The following OR2F1 variants were observed in gnomAD, a reference collection of about 807,000 sequenced individuals.
OR2F1 encodes the protein olfactory receptor family 2 subfamily F member 1.
For missense variants in OR2F1, 389 were observed against 378.2 expected (o/e 1.03, Z -0.24); for synonymous variants, 146 against 155.3 (o/e 0.94, Z 0.44).
chr7:143,961,416 T>C lies in OR2F1; in HGVS notation c.*492T>C, dbSNP rs2050329722. ...GTGTGAGTCAACATTCTGAGAAAAG[T>C]GTTATTGTCAAGGCTGACTAAAATG... On this transcript the variant is annotated 3_prime_UTR_variant, in exon 3 of 3. Coordinates refer to ENST00000641412, the MANE Select transcript of OR2F1 (RefSeq NM_012369.3). 6.4e-6 allele frequency: 1 copy of C among 157,418 alleles called. No individual in the cohort carries two copies. The highest frequency in any genetic ancestry group is 6.0e-5 in the Admixed American group (1 of 16,694). 9.8% of individuals were successfully genotyped at this position (157,418 alleles called of 1,614,324 possible). A position where few individuals can be genotyped will look rare whatever the true frequency, so the allele number is the denominator to read the frequency against.
intron 1 of OR2F1, among the ~76,000 whole-genome samples, chr7:143,958,435 C>A (rs142889696): frequency 3.4e-4 from 51 of 152,142 alleles, no homozygotes; most frequent in Non-Finnish European, 5.9e-4. Context: ...TTGAGGAGGA[C>A]ATTAGGGAGA....
chr7:143,960,066 G>T lies in OR2F1; in HGVS notation c.96G>T (p.Leu32Phe). 6.2e-7 allele frequency: 1 copy of T among 1,614,072 alleles called. No individual in the cohort carries two copies. Among genetic ancestry groups the T allele is most frequent in the Admixed American group, 1.7e-5 (1 of 60,008 alleles). The change falls in exon 3 of 3, where the codon TTG (leucine) becomes TTT (phenylalanine). Residue 32 changes from leucine to phenylalanine, a missense_variant. Leu to Phe is a conservative substitution (Grantham distance 22). Coordinates refer to ENST00000641412, the MANE Select transcript of OR2F1 (RefSeq NM_012369.3). ...DTRVSLFVLF[L>F]VMYVVTVLGN... ...GGGTCTCCCTGTTTGTCCTGTTCTT[G>T]GTCATGTATGTGGTGACCGTGCTGG...
In OR2F1 at chr7:143,955,026, C is replaced by T. The variant is rs2116932646; in HGVS notation, c.-257C>T. Reference sequence around the variant, plus strand: ...TCGTTGATAGAAGAATATTTCAGTCCTGATATTTGCTGTAACTAATAATTA... The same window carrying T: ...TCGTTGATAGAAGAATATTTCAGTCTTGATATTTGCTGTAACTAATAATTA... On this transcript the variant is annotated 5_prime_UTR_variant, in exon 1 of 3. Coordinates refer to ENST00000641412, the MANE Select transcript of OR2F1 (RefSeq NM_012369.3). 1 of 152,056 alleles carries T rather than the reference C, an allele frequency of 6.6e-6. No individual in the cohort carries two copies. The highest frequency in any genetic ancestry group is 2.1e-4 in the South Asian group (1 of 4,822). 9.4% of individuals were successfully genotyped at this position (152,056 alleles called of 1,614,324 possible). A position where few individuals can be genotyped will look rare whatever the true frequency, so the allele number is the denominator to read the frequency against.
Position 143,960,432 on chromosome 7 carries a change from C to G in OR2F1, c.462C>G (p.Ile154Met). Residue 154 changes from isoleucine (I) to methionine (M), a missense_variant, in exon 3 of 3, where the codon ATC (isoleucine) becomes ATG (methionine). Coordinates refer to ENST00000641412, the MANE Select transcript of OR2F1 (RefSeq NM_012369.3). ...LAITSWVSGFISSPVQTAITF... is the reference protein window; with the variant it reads ...LAITSWVSGFMSSPVQTAITF... ...TCACATCCTGGGTCAGTGGCTTCATCAGCTCTCCTGTGCAGACTGCTATCA... is the reference window on the plus strand; with the variant it reads ...TCACATCCTGGGTCAGTGGCTTCATGAGCTCTCCTGTGCAGACTGCTATCA... 3.1e-6 allele frequency: 5 copies of G among 1,614,194 alleles called. No homozygotes were observed. The highest frequency in any genetic ancestry group is 4.2e-6 in the Non-Finnish European group (5 of 1,180,044).
At chr7:143,955,592 T>G (rs935065444) in intron 1 of OR2F1, among the ~76,000 whole-genome samples, 6 of 152,186 alleles carry the variant, frequency 3.9e-5, no homozygotes, top group African/African-American at 1.4e-4. Context: ...CTATTTCTTA[T>G]GGTCACAGTG....
intron 2 of OR2F1, 37 bp from the exon 3 acceptor site, chr7:143,959,911 T>C: frequency 7.6e-7 from 1 of 1,310,612 alleles, no homozygotes; most frequent in Non-Finnish European, 1.1e-6. Flanking sequence ...CTTATAGTTA[T>C]TCAACAGCTT....
intron 2 of OR2F1, 82 bp from the exon 3 acceptor site, chr7:143,959,866 G>T (rs2050310698): frequency 3.4e-6 from 3 of 878,232 alleles, no homozygotes; most frequent in Non-Finnish European, 3.5e-6. Flanking sequence ...CCTAGGGCTG[G>T]CTGGCATGTA....
Position 143,960,617 on chromosome 7 carries a change from T to C in OR2F1, c.647T>C (p.Leu216Ser). Reference protein sequence around the residue: ...LLMTPFCLVLLSYIQIISTIL... With the variant: ...LLMTPFCLVLSSYIQIISTIL... ...ATGACACCCTTCTGCCTGGTTCTTTTGTCCTACATCCAGATCATCTCCACC... is the reference window on the plus strand; with the variant it reads ...ATGACACCCTTCTGCCTGGTTCTTTCGTCCTACATCCAGATCATCTCCACC... Residue 216 changes from leucine to serine, a missense_variant, in exon 3 of 3, where the codon TTG (leucine) becomes TCG (serine). By Grantham distance (145) the Leu-to-Ser change is moderately radical. Transcript: ENST00000641412. The C allele has an allele frequency of 6.2e-7, 1 of 1,614,212 alleles. No homozygotes were observed. The highest frequency in any genetic ancestry group is 8.5e-7 in the Non-Finnish European group (1 of 1,180,036).
chr7:143,959,560 T>A (rs1441237234), intron 2 of OR2F1, among the ~76,000 whole-genome samples: 1 of 152,198 alleles, frequency 6.6e-6, no homozygotes, highest in Non-Finnish European at 1.5e-5. Context: ...TCAAGATGAG[T>A]CTAGTTGACA....
At position 143,960,483 on chromosome 7, in the gene OR2F1, C is replaced by A. The variant is rs145017866; in HGVS notation, c.513C>A (p.Asn171Lys). 6.2e-5 allele frequency: 100 copies of A among 1,614,086 alleles called. No individual in the cohort carries two copies. Among genetic ancestry groups the A allele is most frequent in the Non-Finnish European group, 8.3e-5 (98 of 1,180,056 alleles). ...AITFQLPMCR[N>K]KFIDHISCEL... ...CCTTTCAGCTGCCCATGTGCAGAAA[C>A]AAGTTTATTGATCACATATCCTGTG... is the stretch of plus-strand genomic sequence containing the variant. Residue 171 changes from asparagine to lysine, a missense_variant, in exon 3 of 3, where the codon AAC becomes AAA. By Grantham distance (94) the Asn-to-Lys change is moderately conservative (BLOSUM62 0). Transcript: ENST00000641412.
chr7:143,960,522 G>T lies in OR2F1; in HGVS notation c.552G>T (p.Val184=). The change falls in exon 3 of 3, where the codon GTG becomes GTT. Residue 184 remains valine, a synonymous_variant. Transcript: ENST00000641412. ...IDHISCELLA[V]VRLACVDTSS... The stretch of plus-strand genomic sequence containing the variant: ...ACATATCCTGTGAACTCCTAGCTGT[G>T]GTCAGGCTGGCTTGTGTGGACACCT... The T allele has an allele frequency of 6.2e-7, 1 of 1,614,184 alleles. No individual in the cohort carries two copies. The highest frequency in any genetic ancestry group is 8.5e-7 in the Non-Finnish European group (1 of 1,180,032).
intron 1 of OR2F1, among the ~76,000 whole-genome samples, chr7:143,958,322 C>T (rs147417480): frequency 7.2e-5 from 11 of 152,030 alleles, no homozygotes; most frequent in East Asian, 5.8e-4. Context: ...GGAAATCAAA[C>T]GTATTCTCAG....
At position 143,961,329 on chromosome 7, in the gene OR2F1, A is replaced by C; in HGVS notation, c.*405A>C. 5.9e-6 allele frequency: 1 copy of C among 168,688 alleles called. No individual in the cohort carries two copies. Among genetic ancestry groups the C allele is most frequent in the Admixed American group, 5.5e-5 (1 of 18,090 alleles). 10.4% of individuals were successfully genotyped at this position (168,688 alleles called of 1,614,324 possible). On this transcript the variant is annotated 3_prime_UTR_variant, in exon 3 of 3. Transcript: ENST00000641412. The stretch of plus-strand genomic sequence containing the variant: ...GGGGCTTCCATTGAAAACAAAATGC[A>C]TTTTTACATTTGAAGACTCACTTTA...
rs1383978888 is a variant in OR2F1, at chr7:143,962,979, T to C, written c.*2055T>C. ...GACATCTGAATTAAGTTAGATGCAATTGGAAGGAGACAAGTAAAGTGGTGT... is the reference window on the plus strand; with the variant it reads ...GACATCTGAATTAAGTTAGATGCAACTGGAAGGAGACAAGTAAAGTGGTGT... On this transcript the variant is annotated 3_prime_UTR_variant, in exon 3 of 3. Transcript: ENST00000641412. 2.6e-5 allele frequency: 4 copies of C among 152,254 alleles called. No individual in the cohort carries two copies. Among genetic ancestry groups the C allele is most frequent in the East Asian group, 1.9e-4 (1 of 5,184 alleles). 9.4% of individuals were successfully genotyped at this position (152,254 alleles called of 1,614,324 possible).
In OR2F1 at chr7:143,960,514, C is replaced by T. The variant is rs2050318967; in HGVS notation, c.544C>T (p.Leu182=). Residue 182 remains leucine (L), a synonymous_variant, in exon 3 of 3, where the codon CTA becomes TTA. Coordinates refer to ENST00000641412, the MANE Select transcript of OR2F1 (RefSeq NM_012369.3). The part of the protein sequence containing the change: ...KFIDHISCEL[L]AVVRLACVDT... ...TATTGATCACATATCCTGTGAACTC[C>T]TAGCTGTGGTCAGGCTGGCTTGTGT... 6.2e-7 allele frequency: 1 copy of T among 1,614,088 alleles called. No individual in the cohort carries two copies.
Position 143,961,098 on chromosome 7 carries a change from G to A in OR2F1, c.*174G>A, listed in dbSNP as rs1297631142. ...AATTGGATGGGGTGTGGGACGTGGG[G>A]TTATATTTATGAACAGTGGAGTTAG... On this transcript the variant is annotated 3_prime_UTR_variant, in exon 3 of 3. Coordinates refer to ENST00000641412, the MANE Select transcript of OR2F1 (RefSeq NM_012369.3). 4 of 597,170 alleles carry A rather than the reference G, an allele frequency of 6.7e-6. No individual in the cohort carries two copies. Among genetic ancestry groups the A allele is most frequent in the Admixed American group, 3.1e-5 (1 of 32,148 alleles). The allele number at this position is 597,170 out of a possible 1,614,324, so 37.0% of individuals were successfully genotyped here.
At chr7:143,957,851 A>G (rs1562995467) in intron 1 of OR2F1, among the ~76,000 whole-genome samples, 1 of 152,176 alleles carries the variant, frequency 6.6e-6, no homozygotes, top group African/African-American at 2.4e-5. Context: ...GGCTTAGAGA[A>G]GCTAAGTATC....
rs771924521 is a variant in OR2F1, at chr7:143,960,846, A to G, written c.876A>G (p.Leu292=). 16 of 1,614,018 alleles carry G rather than the reference A, an allele frequency of 9.9e-6. No homozygotes were observed. Among genetic ancestry groups the G allele is most frequent in the Non-Finnish European group, 1.4e-5 (16 of 1,180,020 alleles). Residue 292 remains leucine, a synonymous_variant, in exon 3 of 3, where the codon CTA becomes CTG. Transcript: ENST00000641412. ...TPMLNPMIYS[L]RNKEVKGAWQ... is the part of the protein sequence containing the mutation. ...TGCTGAACCCCATGATTTACAGCCT[A>G]AGGAATAAAGAGGTGAAGGGGGCCT...
chr7:143,955,002 C>T lies in OR2F1; in HGVS notation c.-281C>T, dbSNP rs1456840019. The stretch of plus-strand genomic sequence containing the variant: ...ACTTATTTTTTTGTTCTTTCTTTGT[C>T]GTTGATAGAAGAATATTTCAGTCCT... On this transcript the variant is annotated 5_prime_UTR_variant, in exon 1 of 3. Transcript: ENST00000641412. The T allele has an allele frequency of 6.6e-6, 1 of 151,806 alleles. No homozygotes were observed. The highest frequency in any genetic ancestry group is 2.4e-5 in the African/African-American group (1 of 41,346). The allele number at this position is 151,806 out of a possible 1,614,324, so 9.4% of individuals were successfully genotyped here. A position where few individuals can be genotyped will look rare whatever the true frequency, so the allele number is the denominator to read the frequency against.
Sources: allele counts gnomAD v4.1 joint callset (sites outside exome capture counted in the v4.1 genomes callset), GRCh38; gene constraint gnomAD v4.1.1; transcripts MANE v1.5; gene names NCBI Gene and HGNC (gene_info 2026-07-23, HGNC 2026-07-21).